ZBTB25: variants seen among roughly 807,000 people sequenced by gnomAD.
ZBTB25 encodes zinc finger and BTB domain-containing protein 25.
Under a neutral mutation model 34.2 loss-of-function variants are expected in ZBTB25, and 20 were observed. That is an observed-to-expected ratio of 0.58 (90% CI 0.41 to 0.85). The LOEUF (loss-of-function observed/expected upper bound fraction) is 0.85. ZBTB25 is among the 40% of genes least tolerant of loss of function. ZBTB25 has a pLI of 0.00. For missense variants in ZBTB25, 437 were observed against 521.8 expected (o/e 0.84, Z 1.58); for synonymous variants, 175 against 186.4 (o/e 0.94, Z 0.50).
chr14:64,504,845 G>A, upstream of ZBTB25: 1 of 395,806 alleles, frequency 2.5e-6, no homozygotes, highest in Admixed American at 4.4e-5. Context: ...GCGCGCCGCC[G>A]CCACTGCAGC....
At chr14:64,469,094 G>T (rs1349916377) in intron 2 of ZBTB25, 1 of 1,613,968 alleles carries the variant, frequency 6.2e-7, no homozygotes, top group Non-Finnish European at 8.5e-7. Context: ...TGAAGAAATT[G>T]AAACGATCAA....
At chr14:64,472,286 C>T (rs2078681160) in intron 2 of ZBTB25, 1 of 166,972 alleles carries the variant, frequency 6.0e-6, no homozygotes, top group Non-Finnish European at 1.5e-5. Flanking sequence ...GAATCCTGCC[C>T]TCATTTACTG....
chr14:64,465,245 G>A lies in ZBTB25; in HGVS notation c.174-15607C>T, dbSNP rs573492002. Among the ~76,000 whole-genome samples the A allele has an allele frequency of 4.0e-5, 6 of 148,618 alleles. 1 individual carries two copies. The South Asian group carries it at 1.3e-3, about 32-fold the overall frequency. Reference sequence around the variant, plus strand: ...CCTTCCCCCGCCCCCCGAACCTTCCGGCTGGCTCTCTTGCGGTCCCCGCCT... The same window carrying A: ...CCTTCCCCCGCCCCCCGAACCTTCCAGCTGGCTCTCTTGCGGTCCCCGCCT... On this transcript the variant is annotated intron_variant, in intron 2 of 2. Coordinates refer to the ZBTB25 transcript ENST00000555220.
chr14:64,458,259 A>G, intron 2 of ZBTB25: 1 of 1,613,556 alleles, frequency 6.2e-7, no homozygotes, highest in Non-Finnish European at 8.5e-7. Context: ...TTTTTATGAT[A>G]TTGATTTGGA....
exon 3 of ZBTB25, chr14:64,449,433 C>G: frequency 6.2e-7 from 1 of 1,612,630 alleles, no homozygotes; most frequent in Non-Finnish European, 8.5e-7. Flanking sequence ...ATATGAAATG[C>G]TTCCTTTATA....
chr14:64,450,119 G>A (rs1200011164), intron 2 of ZBTB25, among the ~76,000 whole-genome samples: 1 of 152,194 alleles, frequency 6.6e-6, no homozygotes, highest in East Asian at 1.9e-4. Context: ...ATATGCCACT[G>A]CTTACTTACA....
rs756609096 is a variant in ZBTB25, at chr14:64,469,705, AAAC to A, written c.174-20070_174-20068del. The A allele has an allele frequency of 4.8e-6, 7 of 1,468,758 alleles. No individual in the cohort carries two copies. The South Asian group carries it at 8.3e-5, about 17-fold the overall frequency. 91.0% of individuals were successfully genotyped at this position (1,468,758 alleles called of 1,614,324 possible). On this transcript the variant is annotated intron_variant, in intron 2 of 2. Transcript: ENST00000555220. ...TTACTCTCCAGAGTCACGGCAGAAA[AAAC>A]AAGCTTAATGAAGAATTCTTTTATA...
At chr14:64,456,938 A>G (rs994254615) in intron 2 of ZBTB25, among the ~76,000 whole-genome samples, 2 of 152,192 alleles carry the variant, frequency 1.3e-5, no homozygotes, top group African/African-American at 4.8e-5. Flanking sequence ...GTGTGTATTC[A>G]TTATATAGGA....
intron 2 of ZBTB25, chr14:64,471,530 G>A (rs2078671560): frequency 6.0e-6 from 1 of 167,004 alleles, no homozygotes; most frequent in African/African-American, 2.4e-5. Flanking sequence ...ATATTGAAAG[G>A]GAAGCATCTG....
chr14:64,493,894 T>C (rs2079175090), intron 1 of ZBTB25, among the ~76,000 whole-genome samples: 3 of 151,316 alleles, frequency 2.0e-5, no homozygotes, highest in African/African-American at 7.3e-5. Context: ...TCAGACACTC[T>C]GAGCTCCAAG....
Position 64,486,999 on chromosome 14 carries a change from T to G in ZBTB25, c.1232A>C (p.Gln411Pro), listed in dbSNP as rs943853367. The G allele has an allele frequency of 2.5e-6, 4 of 1,614,086 alleles. No homozygotes were observed. The African/African-American group carries it at 5.3e-5, about 22-fold the overall frequency. The change falls in exon 3 of 3, where the codon CAA (glutamine) becomes CCA (proline). Residue 411 changes from glutamine (Q) to proline (P), a missense_variant. Transcript: ENST00000608382. ...GGCACAAGGCAAGTCTAAGTGTTCT[T>G]GTGACAAGCGAGAACTTTTCAGGGA... ...DVSLKSSRLS[Q>P]EHLDLPCALE...
At chr14:64,472,824 C>T (rs935958215) in intron 2 of ZBTB25, 2 of 166,922 alleles carry the variant, frequency 1.2e-5, no homozygotes, top group African/African-American at 4.8e-5. Context: ...TATATGCAAA[C>T]GTTAAGTGAA....
intron 1 of ZBTB25, among the ~76,000 whole-genome samples, chr14:64,500,475 A>AAAAAAAAAAAAAAAAAG (rs35009526): frequency 1.4e-5 from 1 of 70,524 alleles, no homozygotes; most frequent in Non-Finnish European, 3.1e-5. Flanking sequence ...AAAAAAAAAA[A>AAAAAAAAAAAAAAAAAG]AGAGAGAGAG....
At chr14:64,505,207 C>A (rs2079628193), upstream of ZBTB25, 2 of 304,822 alleles carry the variant, frequency 6.6e-6, no homozygotes, top group Admixed American at 5.1e-5. Context: ...AATTAGTTAC[C>A]TTCTTTTCTT....
At chr14:64,449,536 G>C in exon 3 of ZBTB25, 2 of 1,614,182 alleles carry the variant, frequency 1.2e-6, no homozygotes, top group Non-Finnish European at 1.7e-6. Flanking sequence ...CTGGGCAGAA[G>C]GGGGCAAGGG....
intron 2 of ZBTB25, among the ~76,000 whole-genome samples, chr14:64,489,132 T>C (rs1035926281): frequency 2.0e-5 from 3 of 151,964 alleles, no homozygotes; most frequent in African/African-American, 7.3e-5. Flanking sequence ...CCTGTGGTCC[T>C]AGCTACTAGG....
intron 1 of ZBTB25, among the ~76,000 whole-genome samples, chr14:64,502,233 A>G (rs1213261907): frequency 2.6e-5 from 4 of 152,220 alleles, no homozygotes; most frequent in Non-Finnish European, 5.9e-5. Flanking sequence ...CATTCAAGGT[A>G]GGACTGGACA....
intron 2 of ZBTB25, chr14:64,460,000 T>TTGC: frequency 7.3e-7 from 1 of 1,368,142 alleles, no homozygotes. Flanking sequence ...GGAAACAAGT[T>TTGC]TGCCATCTTG....
chr14:64,498,569 CCA>C (rs2079364768), intron 1 of ZBTB25, among the ~76,000 whole-genome samples: 1 of 152,170 alleles, frequency 6.6e-6, no homozygotes, highest in African/African-American at 2.4e-5. Context: ...CCTTGGCCTC[CCA>C]AAGTGCTGGG....
Sources: gnomAD v4.1 joint callset for allele counts (sites outside exome capture counted in the v4.1 genomes callset) on GRCh38, gnomAD v4.1.1 for gene constraint, MANE v1.5 for transcripts, NCBI Gene and HGNC (gene_info 2026-07-23, HGNC 2026-07-21) for gene names.